SNX4: variants seen among roughly 807,000 people sequenced by gnomAD.
SNX4 encodes sorting nexin 4.
A neutral mutation model predicts 70.8 loss-of-function variants in SNX4; 49 were observed. That is an observed-to-expected ratio of 0.69 (90% CI 0.55 to 0.88). SNX4 has a LOEUF of 0.88. Ranked by LOEUF, SNX4 falls within the 40% of genes least tolerant of loss-of-function variation. The pLI, the probability that SNX4 is intolerant of heterozygous loss-of-function variation, is 0.00. For missense variants in SNX4, 528 were observed against 544.8 expected, an observed-to-expected ratio of 0.97 and a Z score of 0.31; for synonymous variants, 206 against 183.8, an observed-to-expected ratio of 1.12 and a Z score of -0.98.
rs1411715016 is a variant in SNX4, at chr3:125,520,094, G to A, written c.79C>T (p.Leu27=). The change falls in exon 1 of 14, where the codon CTG becomes TTG. Residue 27 remains leucine, a synonymous_variant. Coordinates refer to ENST00000251775, the MANE Select transcript of SNX4 (RefSeq NM_003794.4). ...LEPLGSPDAG[L]GAAVGKEAEG... is the part of the protein sequence containing the mutation. ...GCTTCCTTGCCGACCGCAGCCCCCA[G>A]CCCAGCGTCTGGGGAGCCCAGCGGC... The A allele has an allele frequency of 5.9e-6, 9 of 1,528,598 alleles. No individual in the cohort carries two copies. In the South Asian group the frequency reaches 9.8e-5, roughly 17 times the overall value. The allele number at this position is 1,528,598 out of a possible 1,614,324, so 94.7% of individuals were successfully genotyped here.
chr3:125,511,310 T>C (rs796706096), intron 1 of SNX4, among the ~76,000 whole-genome samples: 3 of 151,718 alleles, frequency 2.0e-5, no homozygotes, highest in South Asian at 4.2e-4. Flanking sequence ...AAATCGAATC[T>C]CTCTCTCAAA....
At chr3:125,474,096 T>A (rs1471337798) in intron 8 of SNX4, among the ~76,000 whole-genome samples, 3 of 152,156 alleles carry the variant, frequency 2.0e-5, no homozygotes, top group Admixed American at 6.6e-5. Context: ...GGCACTCAAC[T>A]GCCCTAAATT....
Position 125,480,337 on chromosome 3 carries a change from T to C in SNX4, c.654-18A>G. ...TAAATCTCCTGAAACAGGAAACAAA[T>C]AAAACATCGTTTTTCAAATGAAAAC... On this transcript the variant is annotated intron_variant, in intron 6 of 13. Transcript: ENST00000251775. 1 of 1,458,308 alleles carries C rather than the reference T, an allele frequency of 6.9e-7. No homozygotes were observed. Among genetic ancestry groups the C allele is most frequent in the Non-Finnish European group, 9.2e-7 (1 of 1,088,180 alleles). The allele number at this position is 1,458,308 out of a possible 1,614,324, so 90.3% of individuals were successfully genotyped here.
chr3:125,518,426 C>T (rs1332142003), intron 1 of SNX4, among the ~76,000 whole-genome samples: 1 of 152,078 alleles, frequency 6.6e-6, no homozygotes, highest in Admixed American at 6.6e-5. Flanking sequence ...TGTGCCACTG[C>T]ACTCCAGCCT....
chr3:125,520,008 G>C lies in SNX4; in HGVS notation c.141+24C>G, dbSNP rs1369968156. ...GCTAGGCCACCACACAGGCCATGAG[G>C]GCTCTGCCGCCCCTTCTCCTCACCG... On this transcript the variant is annotated intron_variant, in intron 1 of 13. Coordinates refer to ENST00000251775, the MANE Select transcript of SNX4 (RefSeq NM_003794.4). The C allele has an allele frequency of 2.0e-6, 3 of 1,475,998 alleles. No individual in the cohort carries two copies. The South Asian group carries it at 3.6e-5, about 18-fold the overall frequency. 91.4% of individuals were successfully genotyped at this position (1,475,998 alleles called of 1,614,324 possible).
Position 125,468,851 on chromosome 3 carries a change from T to TAA in SNX4, c.854+601_854+602dup, listed in dbSNP as rs58480078. On this transcript the variant is annotated intron_variant, in intron 9 of 13. Transcript: ENST00000251775. ...GCAACAAAGTAAGACCTAGTCTCTT[T>TAA]AAAAAAAAAAAAAAAAAAAAATCAG... 3.5e-3 allele frequency among the ~76,000 whole-genome samples: 469 copies of TAA among 134,026 alleles called. 6 individuals carry two copies. Among genetic ancestry groups the TAA allele is most frequent in the African/African-American group, 0.012 (441 of 36,340 alleles). The allele number at this position is 134,026 out of a possible 152,430, so 87.9% of individuals were successfully genotyped here.
chr3:125,500,580 T>G (rs1206611504), intron 2 of SNX4, among the ~76,000 whole-genome samples: 1 of 151,762 alleles, frequency 6.6e-6, no homozygotes, highest in East Asian at 1.9e-4. Flanking sequence ...GGAGGGTGGA[T>G]CACGAGCTCA....
In SNX4 at chr3:125,498,001, T is replaced by C; in HGVS notation, c.400-18A>G. On this transcript the variant is annotated intron_variant, in intron 3 of 13. Coordinates refer to ENST00000251775, the MANE Select transcript of SNX4 (RefSeq NM_003794.4). ...AATTCTGCCTAGGTAAACAAAATAA[T>C]CATTAAGAATAGTCTCAATGCTGAA... 1.9e-6 allele frequency: 3 copies of C among 1,613,986 alleles called. No individual in the cohort carries two copies. The highest frequency in any genetic ancestry group is 2.5e-6 in the Non-Finnish European group (3 of 1,179,986).
At position 125,447,737 on chromosome 3, in the gene SNX4, G is replaced by A. The variant is rs1158494431; in HGVS notation, c.*42C>T. ...ATTTCTTTTATTTACTTGTGCTTCT[G>A]TTTTGGGGCACTTTGATTGAAGAGA... On this transcript the variant is annotated 3_prime_UTR_variant, in exon 14 of 14. Transcript: ENST00000251775. 1 of 1,467,722 alleles carries A rather than the reference G, an allele frequency of 6.8e-7. No individual in the cohort carries two copies. Among genetic ancestry groups the A allele is most frequent in the Non-Finnish European group, 9.4e-7 (1 of 1,064,552 alleles). The allele number at this position is 1,467,722 out of a possible 1,614,324, so 90.9% of individuals were successfully genotyped here. A position where few individuals can be genotyped will look rare whatever the true frequency, so the allele number is the denominator to read the frequency against.
chr3:125,506,258 G>C (rs57716183), intron 1 of SNX4, among the ~76,000 whole-genome samples: 7,296 of 151,756 alleles, frequency 0.048, 418 homozygotes, highest in African/African-American at 0.13. Flanking sequence ...TCCCTTCAGA[G>C]GGAAAAAATA....
intron 11 of SNX4, among the ~76,000 whole-genome samples, chr3:125,455,878 G>A (rs569511729): frequency 2.6e-5 from 4 of 152,126 alleles, no homozygotes; most frequent in African/African-American, 4.8e-5. Context: ...TTGGTCGGGC[G>A]TGGTGGCAGG....
chr3:125,462,357 C>A (rs1291188686), intron 9 of SNX4, among the ~76,000 whole-genome samples: 1 of 151,860 alleles, frequency 6.6e-6, no homozygotes, highest in Non-Finnish European at 1.5e-5. Context: ...AAAGCTGTAA[C>A]TGGAGATTGT....
In SNX4 at chr3:125,469,486, A is replaced by G. The variant is rs1303134959; in HGVS notation, c.822T>C (p.Asp274=). ...EWSAIEKEMG[D]GLQSAGHHMD... ...TATGATGACCAGCACTCTGCAGTCC[A>G]TCACCCATTTCTTTTTCTATGGCAC... The change falls in exon 9 of 14, where the codon GAT becomes GAC. Residue 274 remains aspartate (D), a synonymous_variant. Coordinates refer to ENST00000251775, the MANE Select transcript of SNX4 (RefSeq NM_003794.4). 6.2e-7 allele frequency: 1 copy of G among 1,613,862 alleles called. No individual in the cohort carries two copies. The highest frequency in any genetic ancestry group is 1.3e-5 in the African/African-American group (1 of 75,058).
At chr3:125,507,971 C>T (rs1312073835) in intron 1 of SNX4, among the ~76,000 whole-genome samples, 1 of 151,784 alleles carries the variant, frequency 6.6e-6, no homozygotes, top group Non-Finnish European at 1.5e-5. Context: ...AGTCCATTTA[C>T]AATAGCATCA....
chr3:125,480,329 G>A lies in SNX4; in HGVS notation c.654-10C>T. The A allele has an allele frequency of 6.7e-7, 1 of 1,483,590 alleles. No individual in the cohort carries two copies. Among genetic ancestry groups the A allele is most frequent in the South Asian group, 1.4e-5 (1 of 71,254 alleles). 91.9% of individuals were successfully genotyped at this position (1,483,590 alleles called of 1,614,324 possible). On this transcript the variant is annotated splice_polypyrimidine_tract_variant and intron_variant, in intron 6 of 13. Transcript: ENST00000251775. Reference sequence around the variant, plus strand: ...AAGGTCAGTAAATCTCCTGAAACAGGAAACAAATAAAACATCGTTTTTCAA... The same window carrying A: ...AAGGTCAGTAAATCTCCTGAAACAGAAAACAAATAAAACATCGTTTTTCAA...
chr3:125,480,338 A>G lies in SNX4; in HGVS notation c.654-19T>C. On this transcript the variant is annotated intron_variant, in intron 6 of 13. Coordinates refer to ENST00000251775, the MANE Select transcript of SNX4 (RefSeq NM_003794.4). Reference sequence around the variant, plus strand: ...AAATCTCCTGAAACAGGAAACAAATAAAACATCGTTTTTCAAATGAAAACA... The same window carrying G: ...AAATCTCCTGAAACAGGAAACAAATGAAACATCGTTTTTCAAATGAAAACA... The G allele has an allele frequency of 6.8e-7, 1 of 1,463,526 alleles. No homozygotes were observed. Among genetic ancestry groups the G allele is most frequent in the South Asian group, 1.4e-5 (1 of 70,378 alleles). The allele number at this position is 1,463,526 out of a possible 1,614,324, so 90.7% of individuals were successfully genotyped here.
intron 9 of SNX4, among the ~76,000 whole-genome samples, chr3:125,464,059 T>A (rs1203788188): frequency 6.6e-6 from 1 of 152,126 alleles, no homozygotes; most frequent in Non-Finnish European, 1.5e-5. Flanking sequence ...ATTAAAATTT[T>A]AAAAAATAGT....
Position 125,448,801 on chromosome 3 carries a change from A to C in SNX4, c.1306-975T>G, listed in dbSNP as rs972753672. ...CACCATTCTACCACCTCAGCCTCCC[A>C]AGTAGCTGGGACTACAGGCGCCTGC... On this transcript the variant is annotated intron_variant, in intron 13 of 13. Transcript: ENST00000251775. Among the ~76,000 whole-genome samples the C allele has an allele frequency of 3.4e-5, 5 of 146,454 alleles. No individual in the cohort carries two copies. The Admixed American group carries it at 3.6e-4, about 10-fold the overall frequency.
chr3:125,489,720 C>T (rs1448274336), intron 5 of SNX4, among the ~76,000 whole-genome samples: 5 of 152,214 alleles, frequency 3.3e-5, no homozygotes, highest in East Asian at 1.9e-4. Context: ...AACCAATACA[C>T]GAACAGGCAT....
Sources: gnomAD v4.1 joint callset for allele counts (sites outside exome capture counted in the v4.1 genomes callset) on GRCh38, gnomAD v4.1.1 for gene constraint, MANE v1.5 for transcripts, NCBI Gene and HGNC (gene_info 2026-07-23, HGNC 2026-07-21) for gene names.